Variants in GABRG3 observed in about 807,000 individuals in gnomAD.
GABRG3 encodes gamma-aminobutyric acid type A receptor subunit gamma3.
A neutral mutation model predicts 48.8 loss-of-function variants in GABRG3; 25 were observed. The observed-to-expected ratio is 0.51, with a 90% CI of 0.37 to 0.72. GABRG3 has a LOEUF of 0.72. Ranked by LOEUF, GABRG3 falls within the 30% of genes least tolerant of loss-of-function variation. The pLI is 0.00. For synonymous variants in GABRG3, 227 were observed against 217.6 expected (o/e 1.04, Z -0.38); for missense variants, 394 against 577.9 (o/e 0.68, Z 3.26).
intron 3 of GABRG3, among the ~76,000 whole-genome samples, chr15:27,048,560 G>C (rs959425049): frequency 1.3e-5 from 2 of 152,158 alleles, no homozygotes; most frequent in Non-Finnish European, 2.9e-5. Context: ...GAAGATCTTA[G>C]GTGTCTGAGA....
At chr15:27,064,014 A>G (rs1029585967) in intron 3 of GABRG3, among the ~76,000 whole-genome samples, 2 of 152,188 alleles carry the variant, frequency 1.3e-5, no homozygotes, top group African/African-American at 2.4e-5. Context: ...GAAATGATCA[A>G]CCAAGCAACT....
At chr15:27,092,406 A>T (rs894917478) in intron 3 of GABRG3, among the ~76,000 whole-genome samples, 13 of 152,132 alleles carry the variant, frequency 8.5e-5, no homozygotes, top group African/African-American at 2.4e-5. Flanking sequence ...GTCCATGTTC[A>T]TCTCTCTGCT....
At chr15:27,276,907 A>G (rs1891273330) in intron 3 of GABRG3, among the ~76,000 whole-genome samples, 1 of 152,192 alleles carries the variant, frequency 6.6e-6, no homozygotes, top group Non-Finnish European at 1.5e-5. Context: ...AAACACTTCT[A>G]TTCTATATCA....
intron 3 of GABRG3, among the ~76,000 whole-genome samples, chr15:27,094,788 G>A (rs1378576838): frequency 6.6e-6 from 1 of 152,006 alleles, no homozygotes; most frequent in African/African-American, 2.4e-5. Context: ...ATTACAAATA[G>A]ATATTTATTG....
intron 5 of GABRG3, among the ~76,000 whole-genome samples, chr15:27,369,243 G>A (rs1895314527): frequency 6.6e-6 from 1 of 152,190 alleles, no homozygotes; most frequent in South Asian, 2.1e-4. Context: ...TAATGCAAGT[G>A]AGTTCAGCAA....
chr15:27,363,816 TACATTGC>T (rs1566806818), intron 5 of GABRG3: 1 of 152,210 alleles, frequency 6.6e-6, no homozygotes, highest in African/African-American at 2.4e-5. Context: ...CTGATAGACT[TACATTGC>T]AGGAGCGGCG....
At chr15:27,364,935 A>G (rs1302310811) in intron 5 of GABRG3, 1 of 151,910 alleles carries the variant, frequency 6.6e-6, no homozygotes, top group African/African-American at 2.4e-5. Context: ...CAGGCTTACA[A>G]GAAACTTGCA....
At chr15:27,096,174 G>T (rs1388478108) in intron 3 of GABRG3, among the ~76,000 whole-genome samples, 3 of 152,202 alleles carry the variant, frequency 2.0e-5, no homozygotes, top group Non-Finnish European at 2.9e-5. Flanking sequence ...TCTGGTTTCT[G>T]CGTGTCTTTT....
rs190073588 is a variant in GABRG3 at position 26,984,332 on chromosome 15, A to G, written c.202+7182A>G. 2.3e-3 allele frequency among the ~76,000 whole-genome samples: 351 copies of G among 152,248 alleles called. 7 individuals are homozygous for G. Among genetic ancestry groups the G allele is most frequent in the Admixed American group, 0.021 (315 of 15,294 alleles). On this transcript the variant is annotated intron_variant, in intron 2 of 9. Transcript: ENST00000615808. Reference sequence around the variant, plus strand: ...AACTGCAGCAGGGCGATCCATCATCAGGAAACAATTGTGCATCACTGTTAT... The same window carrying G: ...AACTGCAGCAGGGCGATCCATCATCGGGAAACAATTGTGCATCACTGTTAT...
chr15:27,130,695 G>A (rs1462864106), intron 3 of GABRG3, among the ~76,000 whole-genome samples: 7 of 151,810 alleles, frequency 4.6e-5, no homozygotes, highest in African/African-American at 1.5e-4. Context: ...CCATTTTTTG[G>A]TATCTTCCTT....
chr15:27,112,697 C>T (rs1381135840), intron 3 of GABRG3, among the ~76,000 whole-genome samples: 1 of 152,142 alleles, frequency 6.6e-6, no homozygotes, highest in Non-Finnish European at 1.5e-5. Flanking sequence ...TCCTCGGCCT[C>T]CCAAAGTGCT....
intron 3 of GABRG3, among the ~76,000 whole-genome samples, chr15:27,039,797 C>T (rs1896242751): frequency 6.6e-6 from 1 of 152,170 alleles, no homozygotes; most frequent in African/African-American, 2.4e-5. Flanking sequence ...GTGCAGGAGG[C>T]ACCCCTCGCT....
intron 3 of GABRG3, among the ~76,000 whole-genome samples, chr15:27,181,799 T>C (rs1887940261): frequency 6.6e-6 from 1 of 152,148 alleles, no homozygotes; most frequent in Non-Finnish European, 1.5e-5. Flanking sequence ...TTTCAGATTA[T>C]AAGGTCATAG....
At chr15:27,422,424 G>GT (rs1414862826) in intron 5 of GABRG3, 1 of 152,266 alleles carries the variant, frequency 6.6e-6, no homozygotes, top group African/African-American at 2.4e-5. Context: ...CCAATACTGG[G>GT]TGTTCTAAGG....
intron 2 of GABRG3, among the ~76,000 whole-genome samples, chr15:26,982,034 A>G (rs1418873527): frequency 6.6e-6 from 1 of 152,196 alleles, no homozygotes; most frequent in Non-Finnish European, 1.5e-5. Flanking sequence ...AATGACTCTT[A>G]ACTTTTCCTT....
intron 7 of GABRG3, among the ~76,000 whole-genome samples, chr15:27,521,792 A>G (rs1891166399): frequency 6.6e-6 from 1 of 152,060 alleles, no homozygotes; most frequent in Non-Finnish European, 1.5e-5. Context: ...GAAGACCACC[A>G]GATGAAATTT....
chr15:27,507,774 AT>A (rs1257303565), intron 6 of GABRG3, among the ~76,000 whole-genome samples: 1 of 152,018 alleles, frequency 6.6e-6, no homozygotes, highest in African/African-American at 2.4e-5. Context: ...TTCCAACTAT[AT>A]TTATTTCTTT....
chr15:27,291,531 A>T (rs1891793776), intron 3 of GABRG3, among the ~76,000 whole-genome samples: 1 of 152,214 alleles, frequency 6.6e-6, no homozygotes, highest in African/African-American at 2.4e-5. Flanking sequence ...GTGGCAGCAG[A>T]TGTGCTTATT....
intron 3 of GABRG3, among the ~76,000 whole-genome samples, chr15:27,063,056 G>A (rs960130406): frequency 5.9e-5 from 9 of 152,138 alleles, no homozygotes; most frequent in East Asian, 5.8e-4. Flanking sequence ...CGCGTGATGC[G>A]TTTTCCCCCC....
Sources: gnomAD v4.1 joint callset for allele counts (sites outside exome capture counted in the v4.1 genomes callset) on GRCh38, gnomAD v4.1.1 for gene constraint, MANE v1.5 for transcripts, NCBI Gene and HGNC (gene_info 2026-07-23, HGNC 2026-07-21) for gene names.